Variants in GRM1 observed in about 807,000 individuals in gnomAD.
The protein encoded by GRM1 is glutamate metabotropic receptor 1.
In GRM1, 33 loss-of-function variants were observed where a neutral mutation model predicts 90.9. The observed-to-expected ratio is 0.36, with a 90% confidence interval of 0.28 to 0.49. GRM1 has a LOEUF of 0.49. GRM1 is among the 20% of genes least tolerant of loss of function. The pLI is 0.99. For synonymous variants in GRM1, 700 were observed against 613.2 expected (o/e 1.14, Z -2.09); for missense variants, 1,190 against 1,534.3 (o/e 0.78, Z 3.75).
chr6:146,137,811 G>C (rs1171845389), intron 1 of GRM1, among the ~76,000 whole-genome samples: 1 of 151,174 alleles, frequency 6.6e-6, no homozygotes, highest in Non-Finnish European at 1.5e-5. Context: ...TCCATTTTTT[G>C]TGTCCTGCTC....
At chr6:146,385,367 C>G (rs560684488) in intron 5 of GRM1, among the ~76,000 whole-genome samples, 2 of 152,044 alleles carry the variant, frequency 1.3e-5, no homozygotes, top group South Asian at 4.2e-4. Context: ...TAATCTTTAA[C>G]CTAGAATTCC....
At chr6:146,120,571 G>C (rs539429878) in intron 1 of GRM1, among the ~76,000 whole-genome samples, 78 of 152,186 alleles carry the variant, frequency 5.1e-4, no homozygotes, top group African/African-American at 1.8e-3. Context: ...ATTGGCTGTG[G>C]GTTTGTCATA....
chr6:146,268,572 A>C (rs1782004411), intron 2 of GRM1, among the ~76,000 whole-genome samples: 1 of 152,190 alleles, frequency 6.6e-6, no homozygotes, highest in Non-Finnish European at 1.5e-5. Context: ...GAATAATGAG[A>C]TAAATGAAAA....
chr6:146,242,920 T>C (rs563051300), intron 2 of GRM1, among the ~76,000 whole-genome samples: 67 of 152,266 alleles, frequency 4.4e-4, no homozygotes, highest in African/African-American at 1.3e-3. Context: ...TTAGCATTCT[T>C]TATCTATGGA....
chr6:146,417,105 A>G (rs1364638535), intron 7 of GRM1, among the ~76,000 whole-genome samples: 1 of 152,136 alleles, frequency 6.6e-6, no homozygotes, highest in Non-Finnish European at 1.5e-5. Flanking sequence ...CTCTTAGTTA[A>G]GACTCTCTGC....
intron 2 of GRM1, among the ~76,000 whole-genome samples, chr6:146,198,580 G>T (rs922296017): frequency 1.5e-4 from 23 of 152,058 alleles, no homozygotes; most frequent in African/African-American, 4.8e-4. Flanking sequence ...CATTGGGTAG[G>T]TCCATACACC....
intron 7 of GRM1, among the ~76,000 whole-genome samples, chr6:146,415,146 G>C (rs112436735): frequency 8.5e-5 from 13 of 152,268 alleles, no homozygotes; most frequent in African/African-American, 2.6e-4. Context: ...TAGGGTAGCA[G>C]CATGGGCAGG....
intron 1 of GRM1, among the ~76,000 whole-genome samples, chr6:146,107,511 G>C (rs1481979129): frequency 6.6e-6 from 1 of 152,080 alleles, no homozygotes; most frequent in Non-Finnish European, 1.5e-5. Flanking sequence ...TGAGGTGGCT[G>C]TTCTTACTGG....
intron 2 of GRM1, among the ~76,000 whole-genome samples, chr6:146,198,900 T>A (rs1161212686): frequency 6.6e-6 from 1 of 152,174 alleles, no homozygotes; most frequent in Non-Finnish European, 1.5e-5. Flanking sequence ...CAAAGGATAG[T>A]GACTTTCTAT....
Position 146,082,785 on chromosome 6 carries a change from A to C in GRM1, c.700+52568A>C, listed in dbSNP as rs531047018. On this transcript the variant is annotated intron_variant, in intron 1 of 7. Coordinates refer to ENST00000282753, the MANE Select transcript of GRM1 (RefSeq NM_001278064.2). ...TAATTCTGTGAAGAATGTCAATGGTAGTTTGATGGGAATAGCATTGAATCT... is the reference window on the plus strand; with the variant it reads ...TAATTCTGTGAAGAATGTCAATGGTCGTTTGATGGGAATAGCATTGAATCT... Among the ~76,000 whole-genome samples the C allele has an allele frequency of 1.3e-4, 20 of 152,300 alleles. No individual in the cohort carries two copies. In the East Asian group the frequency reaches 2.1e-3, roughly 16 times the overall value.
intron 2 of GRM1, among the ~76,000 whole-genome samples, chr6:146,258,530 T>A (rs1445466281): frequency 6.6e-6 from 1 of 151,886 alleles, no homozygotes; most frequent in Non-Finnish European, 1.5e-5. Flanking sequence ...TTTATTCACC[T>A]TTTTTTTGAG....
chr6:146,295,769 G>A (rs189773933), intron 2 of GRM1, among the ~76,000 whole-genome samples: 93 of 152,246 alleles, frequency 6.1e-4, no homozygotes, highest in South Asian at 2.3e-3. Context: ...GTCATGGGCA[G>A]GTTTGTTACA....
chr6:146,096,186 A>AT (rs1776868548), intron 1 of GRM1, among the ~76,000 whole-genome samples: 1 of 152,208 alleles, frequency 6.6e-6, no homozygotes, highest in African/African-American at 2.4e-5. Context: ...GATATATTTG[A>AT]TTTTATAAAC....
At chr6:146,270,576 C>T (rs1782079523) in intron 2 of GRM1, among the ~76,000 whole-genome samples, 1 of 152,108 alleles carries the variant, frequency 6.6e-6, no homozygotes, top group Non-Finnish European at 1.5e-5. Flanking sequence ...CTGATAACTC[C>T]CCATGACCCC....
intron 2 of GRM1, among the ~76,000 whole-genome samples, chr6:146,279,421 TTTTA>T (rs1377202542): frequency 2.0e-5 from 3 of 152,180 alleles, no homozygotes; most frequent in Admixed American, 6.5e-5. Context: ...TTTTAAATAT[TTTTA>T]TTTATCTTTC....
In GRM1 at chr6:146,357,816, A is replaced by G. The variant is rs362894; in HGVS notation, c.1602+122A>G. On this transcript the variant is annotated intron_variant, in intron 5 of 7. Coordinates refer to ENST00000282753, the MANE Select transcript of GRM1 (RefSeq NM_001278064.2). ...TCTAGAAAGGGTGTGCCAGGCTTACAGTTTTGGCTCTTGAGTTTAGGTAAA... is the reference window on the plus strand; with the variant it reads ...TCTAGAAAGGGTGTGCCAGGCTTACGGTTTTGGCTCTTGAGTTTAGGTAAA... The G allele has an allele frequency of 0.23, 186,981 of 811,442 alleles. 22,755 individuals carry two copies. Among genetic ancestry groups the G allele is most frequent in the Middle Eastern group, 0.28 (1,038 of 3,724 alleles). The allele number at this position is 811,442 out of a possible 1,614,324, so 50.3% of individuals were successfully genotyped here.
At chr6:146,376,457 T>G (rs1583409449) in intron 5 of GRM1, among the ~76,000 whole-genome samples, 1 of 152,276 alleles carries the variant, frequency 6.6e-6, no homozygotes, top group South Asian at 2.1e-4. Flanking sequence ...GTAGGATGGG[T>G]CTGGTATTGA....
chr6:146,336,395 A>C (rs1784773391), intron 3 of GRM1, among the ~76,000 whole-genome samples: 1 of 152,188 alleles, frequency 6.6e-6, no homozygotes, highest in Admixed American at 6.6e-5. Flanking sequence ...GATTCCAGGA[A>C]ATCCTCTGAA....
At chr6:146,305,339 A>G (rs1217681547) in intron 3 of GRM1, among the ~76,000 whole-genome samples, 2 of 152,100 alleles carry the variant, frequency 1.3e-5, no homozygotes, top group African/African-American at 4.8e-5. Flanking sequence ...AGTCAGAACA[A>G]TGGTTCACAG....
Sources: allele counts gnomAD v4.1 joint callset (sites outside exome capture counted in the v4.1 genomes callset), GRCh38; gene constraint gnomAD v4.1.1; transcripts MANE v1.5; gene names NCBI Gene and HGNC (gene_info 2026-07-23, HGNC 2026-07-21).